CBLL2: variants seen among roughly 807,000 people sequenced by gnomAD.
CBLL2 encodes the protein E3 ubiquitin-protein ligase CBLL2.
For synonymous variants in CBLL2, 123 were observed against 124.9 expected (o/e 0.98, Z 0.10); for missense variants, 347 against 343.2 (o/e 1.01, Z -0.09).
Position 22,273,356 on chromosome X carries a change from G to A in CBLL2, c.365G>A (p.Arg122Lys), listed in dbSNP as rs1003703661. The A allele has an allele frequency of 8.3e-6, 10 of 1,210,105 alleles. No homozygotes were observed. The Admixed American group carries it at 1.5e-4, about 18-fold the overall frequency. ...FMCSIVQQCK[R>K]TYLSQKSLQA... ...TGTAGTATTGTTCAGCAGTGCAAGA[G>A]AACATACTTGTCTCAGAAAAGCTTA... is the stretch of plus-strand genomic sequence containing the variant. Residue 122 changes from arginine to lysine, a missense_variant, in exon 1 of 1, where the codon AGA (arginine) becomes AAA (lysine). Arg to Lys is a conservative substitution (Grantham distance 26). Coordinates refer to ENST00000323684, the MANE Select transcript of CBLL2 (RefSeq NM_152577.4).
In CBLL2 at chrX:22,272,956, A is replaced by T. The variant is rs1319687344; in HGVS notation, c.-36A>T. 6.3e-6 allele frequency: 7 copies of T among 1,110,342 alleles called. No individual in the cohort carries two copies. The highest frequency in any genetic ancestry group is 1.9e-5 in the African/African-American group (1 of 53,629). 91.5% of individuals were successfully genotyped at this position (1,110,342 alleles called of 1,213,427 possible). A position where few individuals can be genotyped will look rare whatever the true frequency, so the allele number is the denominator to read the frequency against. ...CTTTAAACGTCATTTTTGAGGAAGT[A>T]GACAAACCTAAATATGTGTCTGAAC... On this transcript the variant is annotated 5_prime_UTR_variant, in exon 1 of 1. Coordinates refer to ENST00000323684, the MANE Select transcript of CBLL2 (RefSeq NM_152577.4).
Position 22,273,379 on chromosome X carries a change from T to C in CBLL2, c.388T>C (p.Leu130=). 8.3e-7 allele frequency: 1 copy of C among 1,211,945 alleles called. No homozygotes were observed. Residue 130 remains leucine, a synonymous_variant, in exon 1 of 1, where the codon TTA becomes CTA. Transcript: ENST00000323684. ...CKRTYLSQKS[L]QAHIKRRHKR... The stretch of plus-strand genomic sequence containing the variant: ...GAGAACATACTTGTCTCAGAAAAGC[T>C]TACAGGCTCATATCAAACGCCGCCA...
chrX:22,273,275 G>A lies in CBLL2; in HGVS notation c.284G>A (p.Arg95His), dbSNP rs746552589. Residue 95 changes from arginine to histidine, a missense_variant, in exon 1 of 1, where the codon CGC (arginine) becomes CAC (histidine). Transcript: ENST00000323684. ...YDKVGYKVCP[R>H]CRYPVLRIEA... ...AAAGTCGGATATAAAGTATGTCCGC[G>A]CTGTCGTTATCCTGTGCTGAGAATT... 4 of 1,211,602 alleles carry A rather than the reference G, an allele frequency of 3.3e-6. No individual in the cohort carries two copies. The highest frequency in any genetic ancestry group is 3.4e-6 in the Non-Finnish European group (3 of 895,522).
chrX:22,273,883 T>C lies in CBLL2; in HGVS notation c.892T>C (p.Tyr298His), dbSNP rs1330441699. 1 of 1,211,233 alleles carries C rather than the reference T, an allele frequency of 8.3e-7. No homozygotes were observed. The highest frequency in any genetic ancestry group is 3.0e-5 in the East Asian group (1 of 33,824). Residue 298 changes from tyrosine to histidine, a missense_variant, in exon 1 of 1, where the codon TAT becomes CAT. Transcript: ENST00000323684. ...ATCACCAGTAAACCATCAAATGCCA[T>C]ATCCTCCTCAGGATGTAGTTACTCC... Reference protein sequence around the residue: ...PSSPVNHQMPYPPQDVVTPNS... With the variant: ...PSSPVNHQMPHPPQDVVTPNS...
In CBLL2 at chrX:22,274,229, G is replaced by A. The variant is rs767538011; in HGVS notation, c.1238G>A (p.Arg413Gln). 1 of 1,210,823 alleles carries A rather than the reference G, an allele frequency of 8.3e-7. No homozygotes were observed. The highest frequency in any genetic ancestry group is 2.2e-5 in the Admixed American group (1 of 45,914). Residue 413 changes from arginine (R) to glutamine (Q), a missense_variant, in exon 1 of 1, where the codon CGA becomes CAA. Physicochemically the swap from Arg to Gln is conservative, Grantham distance 43 (BLOSUM62 1). Coordinates refer to ENST00000323684, the MANE Select transcript of CBLL2 (RefSeq NM_152577.4). ...RSPPPSTLHG[R>Q]SHHSHQRRHR... The stretch of plus-strand genomic sequence containing the variant: ...CCACCTCCTTCAACCCTACATGGTC[G>A]ATCACATCATTCACACCAGAGAAGA...
At position 22,274,226 on chromosome X, in the gene CBLL2, G is replaced by T. The variant is rs1376504512; in HGVS notation, c.1235G>T (p.Gly412Val). 8.3e-7 allele frequency: 1 copy of T among 1,210,994 alleles called. No homozygotes were observed. Among genetic ancestry groups the T allele is most frequent in the Admixed American group, 2.2e-5 (1 of 45,953 alleles). The change falls in exon 1 of 1, where the codon GGT becomes GTT. Residue 412 changes from glycine to valine, a missense_variant. Transcript: ENST00000323684. ...AGTCCACCTCCTTCAACCCTACATG[G>T]TCGATCACATCATTCACACCAGAGA... The part of the protein sequence containing the change: ...TRSPPPSTLH[G>V]RSHHSHQRRH...
rs753912921 is a variant in CBLL2, at chrX:22,273,362, A to G, written c.371A>G (p.Tyr124Cys). 7.4e-6 allele frequency: 9 copies of G among 1,210,186 alleles called. No individual in the cohort carries two copies. The African/African-American group carries it at 1.6e-4, about 21-fold the overall frequency. ...CSIVQQCKRTYLSQKSLQAHI... is the reference protein window; with the variant it reads ...CSIVQQCKRTCLSQKSLQAHI... Reference sequence around the variant, plus strand: ...ATTGTTCAGCAGTGCAAGAGAACATACTTGTCTCAGAAAAGCTTACAGGCT... The same window carrying G: ...ATTGTTCAGCAGTGCAAGAGAACATGCTTGTCTCAGAAAAGCTTACAGGCT... Residue 124 changes from tyrosine to cysteine, a missense_variant, in exon 1 of 1, where the codon TAC becomes TGC. By Grantham distance (194) the Tyr-to-Cys change is radical. Coordinates refer to ENST00000323684, the MANE Select transcript of CBLL2 (RefSeq NM_152577.4).
Position 22,273,740 on chromosome X carries a change from G to A in CBLL2, c.749G>A (p.Gly250Asp), listed in dbSNP as rs201655784. The A allele has an allele frequency of 2.1e-5, 25 of 1,209,441 alleles. No individual in the cohort carries two copies. The highest frequency in any genetic ancestry group is 2.8e-5 in the Non-Finnish European group (25 of 895,131). Reference sequence around the variant, plus strand: ...CATATTCAGAATAACTCAGATTCTGGTGCTAAGAAGCCAACACCTCCCGAC... The same window carrying A: ...CATATTCAGAATAACTCAGATTCTGATGCTAAGAAGCCAACACCTCCCGAC... ...VDHIQNNSDS[G>D]AKKPTPPDYY... The change falls in exon 1 of 1, where the codon GGT (glycine) becomes GAT (aspartate). Residue 250 changes from glycine to aspartate, a missense_variant. Physicochemically the swap from Gly to Asp is moderately conservative, Grantham distance 94 (BLOSUM62 -1). Coordinates refer to ENST00000323684, the MANE Select transcript of CBLL2 (RefSeq NM_152577.4).
rs1936803395 is a variant in CBLL2, at chrX:22,274,384, C to G, written c.*115C>G. On this transcript the variant is annotated 3_prime_UTR_variant, in exon 1 of 1. Coordinates refer to ENST00000323684, the MANE Select transcript of CBLL2 (RefSeq NM_152577.4). ...AGAGCTGGAGTTGAACAACTTTGTT[C>G]CTCTGGTGTGGTAAATTGACCTAAA... 1.5e-6 allele frequency: 1 copy of G among 659,549 alleles called. No individual in the cohort carries two copies. 54.4% of individuals were successfully genotyped at this position (659,549 alleles called of 1,213,427 possible). A position where few individuals can be genotyped will look rare whatever the true frequency, so the allele number is the denominator to read the frequency against.
At position 22,273,626 on chromosome X, in the gene CBLL2, C is replaced by T. The variant is rs767300620; in HGVS notation, c.635C>T (p.Pro212Leu). The change falls in exon 1 of 1, where the codon CCC becomes CTC. Residue 212 changes from proline (P) to leucine (L), a missense_variant. By Grantham distance (98) the Pro-to-Leu change is moderately conservative (BLOSUM62 -3). Coordinates refer to ENST00000323684, the MANE Select transcript of CBLL2 (RefSeq NM_152577.4). Reference sequence around the variant, plus strand: ...CCACATAAGGATATCCAGGCTCCTCCCCCAGAACTATCTCTAAGTCTGCCT... The same window carrying T: ...CCACATAAGGATATCCAGGCTCCTCTCCCAGAACTATCTCTAAGTCTGCCT... The part of the protein sequence containing the change: ...NQPHKDIQAP[P>L]PELSLSLPFP... 6.6e-6 allele frequency: 8 copies of T among 1,209,453 alleles called. No individual in the cohort carries two copies. The highest frequency in any genetic ancestry group is 3.0e-5 in the East Asian group (1 of 33,746).
rs1936777680 is a variant in CBLL2, at chrX:22,273,101, G to A, written c.110G>A (p.Arg37His). The change falls in exon 1 of 1, where the codon CGT becomes CAT. Residue 37 changes from arginine to histidine, a missense_variant. Physicochemically the swap from Arg to His is conservative, Grantham distance 29 (BLOSUM62 0). Coordinates refer to ENST00000323684, the MANE Select transcript of CBLL2 (RefSeq NM_152577.4). ...VRKKKKIPGY[R>H]WGDIKINIIG... is the part of the protein sequence containing the mutation. ...AAAAAGAAAAAAATTCCTGGTTACC[G>A]TTGGGGGGACATTAAGATAAACATC... is the stretch of plus-strand genomic sequence containing the variant. The A allele has an allele frequency of 9.9e-6, 12 of 1,210,812 alleles. No individual in the cohort carries two copies. Among genetic ancestry groups the A allele is most frequent in the South Asian group, 1.8e-5 (1 of 56,875 alleles).
At position 22,274,085 on chromosome X, in the gene CBLL2, T is replaced by C. The variant is rs755376051; in HGVS notation, c.1094T>C (p.Leu365Ser). ...FASHHYNLNI[L>S]PQFTENQETL... ...TCTCACCATTATAACCTTAACATTTTACCTCAGTTCACCGAAAATCAAGAA... is the reference window on the plus strand; with the variant it reads ...TCTCACCATTATAACCTTAACATTTCACCTCAGTTCACCGAAAATCAAGAA... Residue 365 changes from leucine (L) to serine (S), a missense_variant, in exon 1 of 1, where the codon TTA (leucine) becomes TCA (serine). By Grantham distance (145) the Leu-to-Ser change is moderately radical. Coordinates refer to ENST00000323684, the MANE Select transcript of CBLL2 (RefSeq NM_152577.4). The C allele has an allele frequency of 8.3e-7, 1 of 1,210,210 alleles. No homozygotes were observed. Among genetic ancestry groups the C allele is most frequent in the African/African-American group, 1.7e-5 (1 of 57,170 alleles).
In CBLL2 at chrX:22,272,915, G is replaced by A; in HGVS notation, c.-77G>A. 2 of 935,746 alleles carry A rather than the reference G, an allele frequency of 2.1e-6. No homozygotes were observed. The highest frequency in any genetic ancestry group is 1.5e-6 in the Non-Finnish European group (1 of 676,897). The allele number at this position is 935,746 out of a possible 1,213,427, so 77.1% of individuals were successfully genotyped here. On this transcript the variant is annotated 5_prime_UTR_variant, in exon 1 of 1. Transcript: ENST00000323684. ...TTCTGGATCGTTGGGTGGCCTTCAC[G>A]TTAGCAGAAGAATTCCTTTAAACGT...
Position 22,274,083 on chromosome X carries a change from T to A in CBLL2, c.1092T>A (p.Ile364=). 4.1e-6 allele frequency: 5 copies of A among 1,211,494 alleles called. No homozygotes were observed. The highest frequency in any genetic ancestry group is 5.6e-6 in the Non-Finnish European group (5 of 895,496). The change falls in exon 1 of 1, where the codon ATT becomes ATA. Residue 364 remains isoleucine, a synonymous_variant. Coordinates refer to ENST00000323684, the MANE Select transcript of CBLL2 (RefSeq NM_152577.4). Reference sequence around the variant, plus strand: ...CTTCTCACCATTATAACCTTAACATTTTACCTCAGTTCACCGAAAATCAAG... The same window carrying A: ...CTTCTCACCATTATAACCTTAACATATTACCTCAGTTCACCGAAAATCAAG... ...EFASHHYNLN[I]LPQFTENQET... is the part of the protein sequence containing the mutation.
chrX:22,273,539 A>G lies in CBLL2; in HGVS notation c.548A>G (p.Glu183Gly), dbSNP rs1355877454. The G allele has an allele frequency of 3.3e-6, 4 of 1,211,445 alleles. No individual in the cohort carries two copies. The highest frequency in any genetic ancestry group is 1.8e-5 in the South Asian group (1 of 56,932). ...DRDHLSYIPP[E>G]QHTMVSLPSV... is the part of the protein sequence containing the mutation. ...GACCATCTAAGCTATATTCCACCAG[A>G]ACAGCACACCATGGTGTCACTACCG... Residue 183 changes from glutamate to glycine, a missense_variant, in exon 1 of 1, where the codon GAA becomes GGA. Coordinates refer to ENST00000323684, the MANE Select transcript of CBLL2 (RefSeq NM_152577.4).
chrX:22,274,292 T>G lies in CBLL2; in HGVS notation c.*23T>G, dbSNP rs1379826898. ...TAAGGATGATAACAGTATTTGGAAC[T>G]GAAGACCTGATGGGAAAAAAACCTT... On this transcript the variant is annotated 3_prime_UTR_variant, in exon 1 of 1. Transcript: ENST00000323684. The G allele has an allele frequency of 7.7e-6, 9 of 1,164,483 alleles. No individual in the cohort carries two copies. The highest frequency in any genetic ancestry group is 9.2e-6 in the Non-Finnish European group (8 of 864,937).
rs1010625281 is a variant in CBLL2 at position 22,273,733 on chromosome X, G to T, written c.742G>T (p.Asp248Tyr). The change falls in exon 1 of 1, where the codon GAT becomes TAT. Residue 248 changes from aspartate (D) to tyrosine (Y), a missense_variant. Coordinates refer to ENST00000323684, the MANE Select transcript of CBLL2 (RefSeq NM_152577.4). ...LTVDHIQNNS[D>Y]SGAKKPTPPD... The stretch of plus-strand genomic sequence containing the variant: ...AGTTGATCATATTCAGAATAACTCA[G>T]ATTCTGGTGCTAAGAAGCCAACACC... The T allele has an allele frequency of 1.7e-6, 2 of 1,209,596 alleles. No individual in the cohort carries two copies. The highest frequency in any genetic ancestry group is 2.2e-6 in the Non-Finnish European group (2 of 895,140).
At position 22,274,180 on chromosome X, in the gene CBLL2, T is replaced by G. The variant is rs1284834456; in HGVS notation, c.1189T>G (p.Ser397Ala). ...HRRWPAWKRL[S>A]PCPPTRSPPP... ...AAGGTGGCCTGCATGGAAACGACTG[T>G]CACCTTGTCCACCAACGCGGAGTCC... Residue 397 changes from serine (S) to alanine (A), a missense_variant, in exon 1 of 1, where the codon TCA becomes GCA. Coordinates refer to ENST00000323684, the MANE Select transcript of CBLL2 (RefSeq NM_152577.4). 2.5e-6 allele frequency: 3 copies of G among 1,211,889 alleles called. No homozygotes were observed. Among genetic ancestry groups the G allele is most frequent in the Non-Finnish European group, 3.4e-6 (3 of 895,452 alleles).
chrX:22,274,364 T>C lies in CBLL2; in HGVS notation c.*95T>C. ...GATAAGCGGCTCAGTTCAGCAGAGCTGGAGTTGAACAACTTTGTTCCTCTG... is the reference window on the plus strand; with the variant it reads ...GATAAGCGGCTCAGTTCAGCAGAGCCGGAGTTGAACAACTTTGTTCCTCTG... On this transcript the variant is annotated 3_prime_UTR_variant, in exon 1 of 1. Transcript: ENST00000323684. 2.4e-6 allele frequency: 2 copies of C among 823,096 alleles called. No homozygotes were observed. The highest frequency in any genetic ancestry group is 3.4e-6 in the Non-Finnish European group (2 of 588,447). The allele number at this position is 823,096 out of a possible 1,213,427, so 67.8% of individuals were successfully genotyped here. A position where few individuals can be genotyped will look rare whatever the true frequency, so the allele number is the denominator to read the frequency against.
Sources: allele counts gnomAD v4.1 joint callset, GRCh38; gene constraint gnomAD v4.1.1; transcripts MANE v1.5; gene names NCBI Gene and HGNC (gene_info 2026-07-23, HGNC 2026-07-21).